Variants in SHLD2 observed in about 807,000 individuals in gnomAD.
SHLD2 encodes the protein RINN1-REV7-interacting novel NHEJ regulator 2.
Under a neutral mutation model 73.2 loss-of-function variants are expected in SHLD2, and 30 were observed. That is an observed-to-expected ratio of 0.41 (90% CI 0.31 to 0.56). The LOEUF is 0.56. Ranked by LOEUF, SHLD2 falls within the 20% of genes least tolerant of loss-of-function variation. The pLI is 0.28. For synonymous variants in SHLD2, 285 were observed against 370.1 expected (o/e 0.77, Z 2.64); for missense variants, 745 against 1,055.9 (o/e 0.71, Z 4.08).
At position 87,172,669 on chromosome 10, in the gene SHLD2, T is replaced by TA. The variant is rs886447623; in HGVS notation, c.1963+1704dup. Among the ~76,000 whole-genome samples the TA allele has an allele frequency of 3.5e-5, 5 of 143,664 alleles. No homozygotes were observed. The East Asian group carries it at 7.9e-4, about 23-fold the overall frequency. The allele number at this position is 143,664 out of a possible 152,430, so 94.2% of individuals were successfully genotyped here. A position where few individuals can be genotyped will look rare whatever the true frequency, so the allele number is the denominator to read the frequency against. ...TTCTCATCTTAAAAAAAATAAAAAA[T>TA]AAAAAAAAATTGGATTGTAAAACTT... is the stretch of plus-strand genomic sequence containing the variant. On this transcript the variant is annotated intron_variant, in intron 6 of 9. Coordinates refer to ENST00000298786, the MANE Select transcript of SHLD2 (RefSeq NM_001330112.2).
Position 87,190,525 on chromosome 10 carries a change from C to G in SHLD2, c.2557C>G (p.Leu853Val). 3 of 1,611,970 alleles carry G rather than the reference C, an allele frequency of 1.9e-6. No individual in the cohort carries two copies. Among genetic ancestry groups the G allele is most frequent in the Non-Finnish European group, 1.7e-6 (2 of 1,179,820 alleles). Residue 853 changes from leucine (L) to valine (V), a missense_variant, in exon 10 of 10, where the codon CTG becomes GTG. Physicochemically the swap from Leu to Val is conservative, Grantham distance 32 (BLOSUM62 1). Around this residue, in one of 5 missense-constraint regions of SHLD2, gnomAD observed 418 missense variants for 567.8 expected, o/e 0.74. Coordinates refer to ENST00000298786, the MANE Select transcript of SHLD2 (RefSeq NM_001330112.2). ...EITYGMVVAD[L>V]FHSLLAVSAE... is the part of the protein sequence containing the mutation. The stretch of plus-strand genomic sequence containing the variant: ...CACCTATGGGATGGTCGTGGCAGAC[C>G]TGTTCCACTCCTTGTTGGCAGTCAG...
chr10:87,167,228 G>A (rs1455751726), intron 4 of SHLD2, among the ~76,000 whole-genome samples: 3 of 152,154 alleles, frequency 2.0e-5, no homozygotes, highest in Non-Finnish European at 4.4e-5. Context: ...ATCCCCTAGA[G>A]AGTTTCAGGT....
chr10:87,104,867 G>T (rs1252434017), intron 2 of SHLD2, among the ~76,000 whole-genome samples: 1 of 151,940 alleles, frequency 6.6e-6, no homozygotes, highest in African/African-American at 2.4e-5. Context: ...CACCATGTTG[G>T]CCAGGCTGCT....
chr10:87,155,508 ATT>A (rs68166675), intron 3 of SHLD2, among the ~76,000 whole-genome samples: 1 of 151,538 alleles, frequency 6.6e-6, no homozygotes, highest in Non-Finnish European at 1.5e-5. Context: ...TGAAAAAAAA[ATT>A]TTTTTTTCTT....
intron 3 of SHLD2, among the ~76,000 whole-genome samples, chr10:87,154,967 C>T (rs6421385): frequency 0.68 from 103,477 of 151,898 alleles, 35,997 homozygotes; most frequent in Middle Eastern, 0.89. Flanking sequence ...CGGAGTCTGG[C>T]TCTGGCACCC....
intron 2 of SHLD2, among the ~76,000 whole-genome samples, chr10:87,139,337 A>C (rs1845018747): frequency 6.6e-6 from 1 of 152,216 alleles, no homozygotes; most frequent in African/African-American, 2.4e-5. Flanking sequence ...ACTCTTTTAA[A>C]GAATACAGTA....
At chr10:87,190,104 G>A (rs1848952388) in intron 9 of SHLD2, among the ~76,000 whole-genome samples, 1 of 152,204 alleles carries the variant, frequency 6.6e-6, no homozygotes, top group Admixed American at 6.5e-5. Context: ...TGTTGCCCAG[G>A]CTGGAGTGCA....
chr10:87,124,491 G>A (rs1323546042), intron 2 of SHLD2, among the ~76,000 whole-genome samples: 1 of 152,022 alleles, frequency 6.6e-6, no homozygotes, highest in Admixed American at 6.6e-5. Context: ...AGCTGTGATC[G>A]CACCACTGCA....
intron 2 of SHLD2, among the ~76,000 whole-genome samples, chr10:87,118,676 C>T (rs1843400558): frequency 6.7e-6 from 1 of 148,918 alleles, no homozygotes; most frequent in Non-Finnish European, 1.5e-5. Context: ...CCAGGCCAGT[C>T]TCAAACTCCT....
chr10:87,127,508 T>C (rs768017658), intron 2 of SHLD2, among the ~76,000 whole-genome samples: 7,053 of 106,686 alleles, frequency 0.066, 357 homozygotes, highest in Non-Finnish European at 0.093. Flanking sequence ...ATCATCAGAA[T>C]GTTTTTTGTC....
At chr10:87,162,072 G>A (rs1589609184) in intron 4 of SHLD2, among the ~76,000 whole-genome samples, 1 of 151,584 alleles carries the variant, frequency 6.6e-6, no homozygotes, top group Admixed American at 6.6e-5. Context: ...TTGGAAAAAA[G>A]GGAAAATTGG....
chr10:87,189,023 T>C (rs1353593251), intron 9 of SHLD2, among the ~76,000 whole-genome samples: 3 of 144,370 alleles, frequency 2.1e-5, no homozygotes, highest in East Asian at 3.9e-4. Context: ...TTTTTTGAGA[T>C]GGAGTTTTGC....
Position 87,152,472 on chromosome 10 carries a change from A to G in SHLD2, c.1118A>G (p.Lys373Arg). The G allele has an allele frequency of 1.2e-6, 2 of 1,611,706 alleles. No homozygotes were observed. Among genetic ancestry groups the G allele is most frequent in the Non-Finnish European group, 1.7e-6 (2 of 1,179,782 alleles). ...TGTTCCCAACTAAATACCTTCCACAAAAGTGCTATTAAAAGAAGCTGTACC... is the reference window on the plus strand; with the variant it reads ...TGTTCCCAACTAAATACCTTCCACAGAAGTGCTATTAAAAGAAGCTGTACC... ...ILCSQLNTFH[K>R]SAIKRSCTSE... The change falls in exon 3 of 10, where the codon AAA becomes AGA. Residue 373 changes from lysine (K) to arginine (R), a missense_variant. Physicochemically the swap from Lys to Arg is conservative, Grantham distance 26. This residue lies in a region of SHLD2 where 20 missense variants were observed against 26.9 expected (regional missense o/e 0.74). Transcript: ENST00000298786.
At chr10:87,148,680 C>T (rs1180282051) in intron 2 of SHLD2, among the ~76,000 whole-genome samples, 3 of 151,772 alleles carry the variant, frequency 2.0e-5, no homozygotes, top group African/African-American at 7.3e-5. Context: ...CAGCTTGAGG[C>T]TGCAGTGAGC....
intron 8 of SHLD2, among the ~76,000 whole-genome samples, chr10:87,182,531 T>C (rs754256179): frequency 3.3e-5 from 5 of 152,270 alleles, no homozygotes; most frequent in African/African-American, 1.2e-4. Flanking sequence ...GTAGATAGCA[T>C]AGTTCCTGTT....
At chr10:87,180,415 A>G in intron 8 of SHLD2, 112 bp downstream of exon 8, 1 of 1,416,682 alleles carries the variant, frequency 7.1e-7, no homozygotes, top group Non-Finnish European at 9.5e-7. Flanking sequence ...AGTCGAAGAG[A>G]ATAAAATTTT....
Position 87,181,218 on chromosome 10 carries a change from CAAA to C in SHLD2, c.2399+934_2399+936del, listed in dbSNP as rs1240727171. Among the ~76,000 whole-genome samples, 827 of 108,304 alleles carry C rather than the reference CAAA, an allele frequency of 7.6e-3. 8 individuals carry two copies. Among genetic ancestry groups the C allele is most frequent in the Non-Finnish European group, 9.4e-3 (526 of 55,890 alleles). The allele number at this position is 108,304 out of a possible 152,430, so 71.1% of individuals were successfully genotyped here. The stretch of plus-strand genomic sequence containing the variant: ...AAACATAGGGAAACCCCATCTCTAC[CAAA>C]AAAAAAAAAAAAAAAAAAGCTGGGC... On this transcript the variant is annotated intron_variant, in intron 8 of 9. Transcript: ENST00000298786.
At position 87,151,753 on chromosome 10, in the gene SHLD2, C is replaced by T. The variant is rs747667298; in HGVS notation, c.399C>T (p.Thr133=). The change falls in exon 3 of 10, where the codon ACC becomes ACT. Residue 133 remains threonine, a synonymous_variant. Transcript: ENST00000298786. ...TTAAAAGCACAGTTCCGCATTTCAC[C>T]GAAGAAGAAAAGTATCAAAAGCTTC... ...CGFKSTVPHF[T]EEEKYQKLLS... The T allele has an allele frequency of 1.3e-4, 211 of 1,611,608 alleles. No homozygotes were observed. Among genetic ancestry groups the T allele is most frequent in the Non-Finnish European group, 1.7e-4 (201 of 1,179,818 alleles).
chr10:87,164,414 G>A (rs1419474132), intron 4 of SHLD2, among the ~76,000 whole-genome samples: 1 of 151,926 alleles, frequency 6.6e-6, no homozygotes, highest in Non-Finnish European at 1.5e-5. Flanking sequence ...TACCACGCCT[G>A]GCTAATTTTT....
Sources: gnomAD v4.1 joint callset for allele counts (sites outside exome capture counted in the v4.1 genomes callset) on GRCh38, gnomAD v4.1.1 for gene constraint, gnomAD v4.1.1 regional missense constraint, MANE v1.5 for transcripts, NCBI Gene and HGNC (gene_info 2026-07-23, HGNC 2026-07-21) for gene names.